TMEM53: variants seen among roughly 807,000 people sequenced by gnomAD.
TMEM53 encodes the protein transmembrane protein 53.
A neutral mutation model predicts 21.4 loss-of-function variants in TMEM53; 14 were observed. That is an observed-to-expected ratio of 0.65 (90% CI 0.43 to 1.02). TMEM53 has a LOEUF of 1.02. Among genes scored for constraint, TMEM53 ranks in the 50% least tolerant of loss-of-function variants. TMEM53 has a pLI of 0.00. For missense variants in TMEM53, 323 were observed against 383.6 expected (o/e 0.84, Z 1.32); for synonymous variants, 148 against 157.4 (o/e 0.94, Z 0.45).
intron 1 of TMEM53, among the ~76,000 whole-genome samples, chr1:44,671,518 T>C (rs950479509): frequency 2.0e-5 from 3 of 152,216 alleles, no homozygotes; most frequent in Non-Finnish European, 4.4e-5. Flanking sequence ...TCGCAGCACT[T>C]TGGGAGGCTG....
At chr1:44,660,736 G>A (rs1644893664) in intron 1 of TMEM53, among the ~76,000 whole-genome samples, 1 of 151,882 alleles carries the variant, frequency 6.6e-6, no homozygotes, top group African/African-American at 2.4e-5. Flanking sequence ...TGTAATCCCA[G>A]CACTTTGGGA....
chr1:44,654,414 G>A lies in TMEM53; in HGVS notation c.*145C>T. On this transcript the variant is annotated 3_prime_UTR_variant, in exon 3 of 3. Transcript: ENST00000372237. The surrounding 1 kb of genome is among the most constrained non-coding windows in gnomAD (Gnocchi z 7.0). ...AGCAGACAGAGGCCCCCAGGAGACA[G>A]GCCCATAGGAATTTTCTACTTAGGG... The A allele has an allele frequency of 1.1e-6, 1 of 927,730 alleles. No homozygotes were observed. The highest frequency in any genetic ancestry group is 2.4e-5 in the Admixed American group (1 of 41,444). 57.5% of individuals were successfully genotyped at this position (927,730 alleles called of 1,614,324 possible). A position where few individuals can be genotyped will look rare whatever the true frequency, so the allele number is the denominator to read the frequency against.
rs930896410 is a variant in TMEM53, at chr1:44,655,976, C to T, written c.184-767G>A. On this transcript the variant is annotated intron_variant, in intron 2 of 2. Coordinates refer to ENST00000372237, the MANE Select transcript of TMEM53 (RefSeq NM_024587.4). This position sits in a 1 kb window ranked among gnomAD's most constrained non-coding sequence, Gnocchi z 4.4. ...TCCCTCTAGGTTTCTATATTCCTCA[C>T]GCTTGGGCCAAGGGTGCCACAATCT... 4.6e-5 allele frequency among the ~76,000 whole-genome samples: 7 copies of T among 152,174 alleles called. No homozygotes were observed. The highest frequency in any genetic ancestry group is 7.2e-5 in the African/African-American group (3 of 41,434).
At position 44,654,334 on chromosome 1, in the gene TMEM53, C is replaced by A. The variant is rs891304880; in HGVS notation, c.*225G>T. On this transcript the variant is annotated 3_prime_UTR_variant, in exon 3 of 3. Transcript: ENST00000372237. The surrounding 1 kb of genome is among the most constrained non-coding windows in gnomAD (Gnocchi z 7.0). ...AACACAACTGACTGCAAGGCTCCCA[C>A]AGACACATGCCCAGGCACTCCTGCC... 19 of 558,082 alleles carry A rather than the reference C, an allele frequency of 3.4e-5. No homozygotes were observed. Among genetic ancestry groups the A allele is most frequent in the Middle Eastern group, 4.7e-4 (1 of 2,120 alleles). The allele number at this position is 558,082 out of a possible 1,614,324, so 34.6% of individuals were successfully genotyped here. A position where few individuals can be genotyped will look rare whatever the true frequency, so the allele number is the denominator to read the frequency against.
At chr1:44,664,949 T>G (rs1644935110) in intron 1 of TMEM53, among the ~76,000 whole-genome samples, 1 of 151,612 alleles carries the variant, frequency 6.6e-6, no homozygotes, top group African/African-American at 2.4e-5. Flanking sequence ...ACCGCGACCT[T>G]GCACTTGCTC....
chr1:44,657,462 C>T (rs902022436), intron 2 of TMEM53, among the ~76,000 whole-genome samples: 1 of 152,198 alleles, frequency 6.6e-6, no homozygotes, highest in Non-Finnish European at 1.5e-5. Context: ...ATATACCCCC[C>T]CAAAAAGCTG....
chr1:44,659,304 C>A (rs1373131356), intron 2 of TMEM53, among the ~76,000 whole-genome samples: 3 of 152,168 alleles, frequency 2.0e-5, no homozygotes, highest in Non-Finnish European at 4.4e-5. Flanking sequence ...AGGCTTCCAG[C>A]TGGCAGTTGG....
At chr1:44,672,839 T>C (rs1164723680) in intron 1 of TMEM53, among the ~76,000 whole-genome samples, 1 of 151,588 alleles carries the variant, frequency 6.6e-6, no homozygotes, top group African/African-American at 2.4e-5. Context: ...GCACCTGCAC[T>C]GTGCCAGGGA....
In TMEM53 at chr1:44,654,964, G is replaced by A. The variant is rs987312147; in HGVS notation, c.429C>T (p.Asp143=). The change falls in exon 3 of 3, where the codon GAC becomes GAT. Residue 143 remains aspartate (D), a synonymous_variant. Transcript: ENST00000372237. This position sits in a 1 kb window ranked among gnomAD's most constrained non-coding sequence, Gnocchi z 7.0. ...CCAGGTTGCTGTCACCAGGAGCGCT[G>A]TCAAAGATGGTGCCCACCACACGCA... ...CRLRVVGTIF[D]SAPGDSNLVG... The A allele has an allele frequency of 1.7e-5, 27 of 1,613,800 alleles. No individual in the cohort carries two copies. Among genetic ancestry groups the A allele is most frequent in the Non-Finnish European group, 2.1e-5 (25 of 1,179,922 alleles).
rs751781224 is a variant in TMEM53, at chr1:44,654,703, G to C, written c.690C>G (p.Arg230=). 6.2e-7 allele frequency: 1 copy of C among 1,614,140 alleles called. No homozygotes were observed. The highest frequency in any genetic ancestry group is 1.7e-5 in the Admixed American group (1 of 60,034). ...DEVVLARDIE[R]MVEARLARRV... The stretch of plus-strand genomic sequence containing the variant: ...GGCGTGCCAGGCGTGCCTCCACCAT[G>C]CGTTCTATGTCTCTGGCCAGGACTA... The change falls in exon 3 of 3, where the codon CGC becomes CGG. Residue 230 remains arginine (R), a synonymous_variant. Coordinates refer to ENST00000372237, the MANE Select transcript of TMEM53 (RefSeq NM_024587.4). This position sits in a 1 kb window ranked among gnomAD's most constrained non-coding sequence, Gnocchi z 7.0.
rs868307054 is a variant in TMEM53 at position 44,654,237 on chromosome 1, C to T, written c.*322G>A. On this transcript the variant is annotated 3_prime_UTR_variant, in exon 3 of 3. Transcript: ENST00000372237. The surrounding 1 kb of genome is among the most constrained non-coding windows in gnomAD (Gnocchi z 7.0). ...AATCAACTAGGGCTCACCCTCAACA[C>T]CCCCCTCCATTTGTCAACCTCTACA... is the stretch of plus-strand genomic sequence containing the variant. 3.5e-6 allele frequency: 1 copy of T among 289,832 alleles called. No homozygotes were observed. The highest frequency in any genetic ancestry group is 6.4e-6 in the Non-Finnish European group (1 of 155,436). 18.0% of individuals were successfully genotyped at this position (289,832 alleles called of 1,614,324 possible).
chr1:44,661,178 G>A (rs1277169310), intron 1 of TMEM53, among the ~76,000 whole-genome samples: 3 of 152,068 alleles, frequency 2.0e-5, no homozygotes, highest in African/African-American at 7.2e-5. Context: ...ATATTGACTG[G>A]CCCTTTACAG....
chr1:44,654,702 T>C lies in TMEM53; in HGVS notation c.691A>G (p.Met231Val). Residue 231 changes from methionine to valine, a missense_variant, in exon 3 of 3, where the codon ATG (methionine) becomes GTG (valine). Physicochemically the swap from Met to Val is conservative, Grantham distance 21. This residue lies in a region of TMEM53 where 269 missense variants were observed against 334.5 expected (regional missense o/e 0.80). Coordinates refer to ENST00000372237, the MANE Select transcript of TMEM53 (RefSeq NM_024587.4). This position sits in a 1 kb window ranked among gnomAD's most constrained non-coding sequence, Gnocchi z 7.0. ...EVVLARDIER[M>V]VEARLARRVL... The stretch of plus-strand genomic sequence containing the variant: ...CGGCGTGCCAGGCGTGCCTCCACCA[T>C]GCGTTCTATGTCTCTGGCCAGGACT... 5 of 1,614,000 alleles carry C rather than the reference T, an allele frequency of 3.1e-6. No homozygotes were observed. The highest frequency in any genetic ancestry group is 4.2e-6 in the Non-Finnish European group (5 of 1,179,992).
rs1435337853 is a variant in TMEM53 at position 44,655,385 on chromosome 1, C to T, written c.184-176G>A. Among the ~76,000 whole-genome samples the T allele has an allele frequency of 1.3e-5, 2 of 152,208 alleles. No homozygotes were observed. The highest frequency in any genetic ancestry group is 1.9e-4 in the East Asian group (1 of 5,192). Reference sequence around the variant, plus strand: ...CCCACCAGCCCGCTGCCCACAGACACAGGTGCCTTCTGGGCAGGGAAGGTA... The same window carrying T: ...CCCACCAGCCCGCTGCCCACAGACATAGGTGCCTTCTGGGCAGGGAAGGTA... On this transcript the variant is annotated intron_variant, in intron 2 of 2. Coordinates refer to ENST00000372237, the MANE Select transcript of TMEM53 (RefSeq NM_024587.4). The surrounding 1 kb of genome is among the most constrained non-coding windows in gnomAD (Gnocchi z 4.4).
At chr1:44,656,530 C>T (rs1644850589) in intron 2 of TMEM53, among the ~76,000 whole-genome samples, 1 of 152,182 alleles carries the variant, frequency 6.6e-6, no homozygotes, top group Non-Finnish European at 1.5e-5. Flanking sequence ...AGGCCACCCA[C>T]ATTCTCCCAA....
intron 1 of TMEM53, among the ~76,000 whole-genome samples, chr1:44,663,456 G>A (rs1644919041): frequency 1.3e-5 from 2 of 152,268 alleles, no homozygotes; most frequent in South Asian, 4.1e-4. Context: ...GACCAGGCTG[G>A]TGTCGAACTC....
intron 1 of TMEM53, among the ~76,000 whole-genome samples, chr1:44,662,814 C>A (rs1644913578): frequency 6.6e-6 from 1 of 152,150 alleles, no homozygotes; most frequent in Non-Finnish European, 1.5e-5. Context: ...GGCCAGCCCC[C>A]ACCAGCAGAG....
In TMEM53 at chr1:44,653,654, G is replaced by C. The variant is rs1161905199; in HGVS notation, c.*905C>G. On this transcript the variant is annotated 3_prime_UTR_variant, in exon 3 of 3. Coordinates refer to ENST00000372237, the MANE Select transcript of TMEM53 (RefSeq NM_024587.4). Reference sequence around the variant, plus strand: ...GCAATGGGGTCAGAGGAGCCTCTCTGAGTGAACTGCCAAGTGGGAGCCATG... The same window carrying C: ...GCAATGGGGTCAGAGGAGCCTCTCTCAGTGAACTGCCAAGTGGGAGCCATG... 3 of 152,274 alleles carry C rather than the reference G, an allele frequency of 2.0e-5. No homozygotes were observed. The highest frequency in any genetic ancestry group is 1.9e-4 in the East Asian group (1 of 5,202). 9.4% of individuals were successfully genotyped at this position (152,274 alleles called of 1,614,324 possible).
At chr1:44,662,602 C>G (rs1227444259) in intron 1 of TMEM53, among the ~76,000 whole-genome samples, 1 of 152,010 alleles carries the variant, frequency 6.6e-6, no homozygotes, top group Non-Finnish European at 1.5e-5. Flanking sequence ...TCTTCGAGAC[C>G]CAGCAACTCA....
Sources: gnomAD v4.1 joint callset for allele counts (sites outside exome capture counted in the v4.1 genomes callset) on GRCh38, gnomAD v4.1.1 for gene constraint, gnomAD v4.1.1 regional missense constraint, Gnocchi (gnomAD v3.1) non-coding constraint, MANE v1.5 for transcripts, NCBI Gene and HGNC (gene_info 2026-07-23, HGNC 2026-07-21) for gene names.